AXIN1: variants seen among roughly 807,000 people sequenced by gnomAD.
The protein encoded by AXIN1 is axin-1.
Under a neutral mutation model 76.4 loss-of-function variants are expected in AXIN1, and 30 were observed. The ratio of observed to expected loss-of-function variants is 0.39; its 90% confidence interval spans 0.29 to 0.53. AXIN1 has a LOEUF of 0.53. AXIN1 is among the 20% of genes least tolerant of loss of function. AXIN1 has a pLI of 0.66. For synonymous variants in AXIN1, 545 were observed against 501.4 expected (o/e 1.09, Z -1.16); for missense variants, 1,140 against 1,198.8 (o/e 0.95, Z 0.72).
intron 2 of AXIN1, among the ~76,000 whole-genome samples, chr16:338,871 T>G (rs1212818205): frequency 6.6e-6 from 1 of 151,208 alleles, no homozygotes; most frequent in Non-Finnish European, 1.5e-5. Flanking sequence ...TGCAGTGAGC[T>G]GAGATCGCGC....
intron 3 of AXIN1, among the ~76,000 whole-genome samples, chr16:313,942 C>G (rs2053241186): frequency 6.6e-6 from 1 of 152,248 alleles, no homozygotes; most frequent in South Asian, 2.1e-4. Context: ...TTCCCTCACT[C>G]CTGCTCCCAG....
intron 7 of AXIN1, among the ~76,000 whole-genome samples, chr16:296,558 G>A (rs921317985): frequency 5.9e-5 from 9 of 152,308 alleles, no homozygotes; most frequent in East Asian, 3.9e-4. Flanking sequence ...CTGTGGCGCC[G>A]GGGCCTTGCT....
intron 5 of AXIN1, among the ~76,000 whole-genome samples, chr16:302,818 C>A (rs1207788218): frequency 6.6e-6 from 1 of 152,176 alleles, no homozygotes; most frequent in African/African-American, 2.4e-5. Flanking sequence ...GAATGAAGGA[C>A]CACCCCCCGA....
At chr16:330,021 C>T (rs903379847) in intron 2 of AXIN1, among the ~76,000 whole-genome samples, 5 of 151,702 alleles carry the variant, frequency 3.3e-5, no homozygotes, top group African/African-American at 1.2e-4. Context: ...CCGCCTCGAC[C>T]TTCCAAAGTA....
intron 8 of AXIN1, chr16:292,195 C>G (rs756800670): frequency 6.6e-6 from 1 of 152,456 alleles, no homozygotes; most frequent in South Asian, 2.1e-4. Flanking sequence ...ATGCCCACCA[C>G]GGCTCATCTG....
intron 2 of AXIN1, among the ~76,000 whole-genome samples, chr16:344,637 C>T (rs1053854298): frequency 6.6e-6 from 1 of 151,804 alleles, no homozygotes; most frequent in African/African-American, 2.4e-5. Flanking sequence ...TACAGGCATG[C>T]GCCAACTCGC....
chr16:320,743 A>ATATTTTTTTT lies in AXIN1; in HGVS notation c.879-6061_879-6060insAAAAAAAATA, dbSNP rs397722732. 8.6e-3 allele frequency among the ~76,000 whole-genome samples: 922 copies of ATATTTTTTTT among 107,542 alleles called. 12 individuals are homozygous for ATATTTTTTTT. The highest frequency in any genetic ancestry group is 0.012 in the Non-Finnish European group (687 of 58,632). 70.6% of individuals were successfully genotyped at this position (107,542 alleles called of 152,430 possible). A position where few individuals can be genotyped will look rare whatever the true frequency, so the allele number is the denominator to read the frequency against. On this transcript the variant is annotated intron_variant, in intron 2 of 10. Transcript: ENST00000262320. ...TGTGTGTATATATATATATATATAT[A>ATATTTTTTTT]TTTTTTTTTTTTTTGAGACGGAGCC...
chr16:343,501 A>G (rs1162633802), intron 2 of AXIN1, among the ~76,000 whole-genome samples: 1 of 151,838 alleles, frequency 6.6e-6, no homozygotes, highest in Non-Finnish European at 1.5e-5. Context: ...AAGGAGTTCG[A>G]GACCAGACTG....
chr16:349,784 A>C (rs1340465448), intron 1 of AXIN1, among the ~76,000 whole-genome samples: 1 of 152,130 alleles, frequency 6.6e-6, no homozygotes, highest in Admixed American at 6.5e-5. Flanking sequence ...TTCCAAAACT[A>C]ATGGGTTTTG....
intron 2 of AXIN1, among the ~76,000 whole-genome samples, chr16:339,827 CA>C (rs574322466): frequency 6.6e-6 from 1 of 152,334 alleles, no homozygotes; most frequent in African/African-American, 2.4e-5. Flanking sequence ...TGCACCACAG[CA>C]GAGGTCCCCT....
chr16:325,695 C>T (rs1257356271), intron 2 of AXIN1, among the ~76,000 whole-genome samples: 3 of 152,150 alleles, frequency 2.0e-5, no homozygotes, highest in Admixed American at 1.3e-4. Context: ...GTCTGTCCCA[C>T]GTGGCTGCAG....
At chr16:290,937 T>G (rs1182660571) in intron 9 of AXIN1, 1 of 564,232 alleles carries the variant, frequency 1.8e-6, no homozygotes, top group African/African-American at 1.9e-5. Context: ...AGGGGCTGGC[T>G]GTGCCCAGGC....
intron 2 of AXIN1, among the ~76,000 whole-genome samples, chr16:328,559 G>T (rs2141648810): frequency 6.6e-6 from 1 of 152,100 alleles, no homozygotes; most frequent in South Asian, 2.1e-4. Context: ...AGCCAGGCGT[G>T]GTGGCACATG....
intron 2 of AXIN1, among the ~76,000 whole-genome samples, chr16:323,420 C>A (rs1311156158): frequency 8.3e-6 from 1 of 120,140 alleles, no homozygotes. Flanking sequence ...GCCTGGGCGA[C>A]AGAGCGAGAC....
chr16:310,358 T>C (rs1263694643), intron 3 of AXIN1, among the ~76,000 whole-genome samples: 2 of 152,214 alleles, frequency 1.3e-5, no homozygotes, highest in African/African-American at 4.8e-5. Flanking sequence ...TGCCTGCCTG[T>C]TCTTTAGGGC....
rs138625607 is a variant in AXIN1 at position 314,129 on chromosome 16, G to A, written c.1019+414C>T. Among the ~76,000 whole-genome samples the A allele has an allele frequency of 3.3e-5, 5 of 152,320 alleles. No individual in the cohort carries two copies. The East Asian group carries it at 5.8e-4, about 18-fold the overall frequency. On this transcript the variant is annotated intron_variant, in intron 3 of 10. Transcript: ENST00000262320. ...AAAACCAAAGAGCAAACTCTAGCCC[G>A]GGCAGCCTACAGACTGTCTTAGGTT...
intron 2 of AXIN1, among the ~76,000 whole-genome samples, chr16:336,914 C>G (rs1260535050): frequency 1.3e-5 from 2 of 151,430 alleles, no homozygotes; most frequent in African/African-American, 2.4e-5. Flanking sequence ...CTTTGGAAGG[C>G]CGAGGCTGGT....
chr16:345,770 G>A (rs962831754), intron 2 of AXIN1, among the ~76,000 whole-genome samples: 2 of 151,592 alleles, frequency 1.3e-5, no homozygotes, highest in South Asian at 4.2e-4. Flanking sequence ...GCCCTGAAAC[G>A]TCCACTCCTC....
chr16:287,961 G>A lies in AXIN1; in HGVS notation c.*161C>T, dbSNP rs2052430446. 8.2e-7 allele frequency: 1 copy of A among 1,219,586 alleles called. No individual in the cohort carries two copies. Among genetic ancestry groups the A allele is most frequent in the Admixed American group, 1.7e-5 (1 of 58,166 alleles). 75.5% of individuals were successfully genotyped at this position (1,219,586 alleles called of 1,614,324 possible). ...GACAGAAGCTTGTGGACCACTTGGA[G>A]GGACCCCCTACCTGCCTCTAGACAC... On this transcript the variant is annotated 3_prime_UTR_variant, in exon 11 of 11. Transcript: ENST00000262320.
Sources: allele counts gnomAD v4.1 joint callset (sites outside exome capture counted in the v4.1 genomes callset), GRCh38; gene constraint gnomAD v4.1.1; transcripts MANE v1.5; gene names NCBI Gene and HGNC (gene_info 2026-07-23, HGNC 2026-07-21).